EPB41L4A: variants seen among roughly 807,000 people sequenced by gnomAD.
EPB41L4A encodes erythrocyte membrane protein band 4.1 like 4A.
In EPB41L4A, 100 loss-of-function variants were observed where a neutral mutation model predicts 108.6. The ratio of observed to expected loss-of-function variants is 0.92; its 90% confidence interval spans 0.78 to 1.09. EPB41L4A has a LOEUF of 1.09. EPB41L4A is among the 50% of genes least tolerant of loss of function. The pLI, the probability that EPB41L4A is intolerant of heterozygous loss-of-function variation, is 0.00. For synonymous variants in EPB41L4A, 319 were observed against 289.0 expected, an observed-to-expected ratio of 1.10 and a Z score of -1.05; for missense variants, 1,030 against 842.7, an observed-to-expected ratio of 1.22 and a Z score of -2.75.
At chr5:112,216,955 T>C (rs369742838) in intron 12 of EPB41L4A, among the ~76,000 whole-genome samples, 1 of 152,178 alleles carries the variant, frequency 6.6e-6, no homozygotes, top group Non-Finnish European at 1.5e-5. Flanking sequence ...AAACCTTATA[T>C]AATTTTCCTA....
At chr5:112,398,798 G>C (rs1383397654) in intron 1 of EPB41L4A, among the ~76,000 whole-genome samples, 1 of 152,034 alleles carries the variant, frequency 6.6e-6, no homozygotes, top group Non-Finnish European at 1.5e-5. Context: ...AAATAAGACT[G>C]CCAATCTTAT....
In EPB41L4A at chr5:112,163,835, T is replaced by C. The variant is rs1293283019; in HGVS notation, c.*1155A>G. On this transcript the variant is annotated 3_prime_UTR_variant, in exon 23 of 23. Coordinates refer to ENST00000261486, the MANE Select transcript of EPB41L4A (RefSeq NM_022140.5). ...AGCAAGGATCTAGCTGAGAGAATAA[T>C]TGAATACATTAATATAGGAGGACAG... The C allele has an allele frequency of 6.6e-6, 1 of 152,078 alleles. No homozygotes were observed. The highest frequency in any genetic ancestry group is 1.5e-5 in the Non-Finnish European group (1 of 68,036). The allele number at this position is 152,078 out of a possible 1,614,324, so 9.4% of individuals were successfully genotyped here.
chr5:112,158,313 T>C (rs895256756), downstream of EPB41L4A: 2 of 193,106 alleles, frequency 1.0e-5, no homozygotes, highest in Non-Finnish European at 2.2e-5. Flanking sequence ...TTAGATGTCA[T>C]TATGTACCAC....
At chr5:112,149,297 C>A (rs1266772945) in intron 12 of EPB41L4A, among the ~76,000 whole-genome samples, 1 of 152,090 alleles carries the variant, frequency 6.6e-6, no homozygotes, top group Non-Finnish European at 1.5e-5. Context: ...TGATGAAACA[C>A]TGTCTCTACT....
At chr5:112,388,202 TCCTC>T (rs1430812096) in intron 1 of EPB41L4A, among the ~76,000 whole-genome samples, 1 of 152,174 alleles carries the variant, frequency 6.6e-6, no homozygotes, top group African/African-American at 2.4e-5. Context: ...TACGCTTATC[TCCTC>T]CCTTCCCATC....
At chr5:112,324,549 C>T (rs1267404554) in intron 1 of EPB41L4A, among the ~76,000 whole-genome samples, 2 of 151,654 alleles carry the variant, frequency 1.3e-5, no homozygotes, top group Non-Finnish European at 2.9e-5. Flanking sequence ...ATGGTGAAAC[C>T]CCATCTCTAC....
intron 1 of EPB41L4A, among the ~76,000 whole-genome samples, chr5:112,366,811 C>T (rs896632592): frequency 6.6e-6 from 1 of 152,164 alleles, no homozygotes; most frequent in African/African-American, 2.4e-5. Context: ...CCTGTACCTT[C>T]AGCTATTTGC....
At chr5:112,195,602 A>G (rs1436492730) in intron 16 of EPB41L4A, 59 bp downstream of exon 16, 1 of 1,426,738 alleles carries the variant, frequency 7.0e-7, no homozygotes, top group Admixed American at 1.7e-5. Flanking sequence ...AACTCTGAGC[A>G]TTTCTAAATC....
chr5:112,313,574 G>C (rs1189693542), intron 1 of EPB41L4A, among the ~76,000 whole-genome samples: 1 of 152,182 alleles, frequency 6.6e-6, no homozygotes, highest in Non-Finnish European at 1.5e-5. Context: ...CTGGGCGACA[G>C]AGCGAGATTC....
intron 17 of EPB41L4A, among the ~76,000 whole-genome samples, chr5:112,185,634 T>C (rs1761390958): frequency 1.3e-5 from 2 of 152,234 alleles, no homozygotes; most frequent in South Asian, 2.1e-4. Context: ...AACAGGATAC[T>C]GTCAAGGTAT....
chr5:112,353,979 A>C (rs1323080245), intron 1 of EPB41L4A, among the ~76,000 whole-genome samples: 1 of 152,184 alleles, frequency 6.6e-6, no homozygotes, highest in African/African-American at 2.4e-5. Context: ...AGCATTTTTT[A>C]AAGTTTCCAG....
At chr5:112,409,967 G>A (rs188564294) in intron 1 of EPB41L4A, among the ~76,000 whole-genome samples, 12 of 152,270 alleles carry the variant, frequency 7.9e-5, no homozygotes, top group African/African-American at 2.9e-4. Flanking sequence ...ATTCCTCCCA[G>A]GTCAAGGTGA....
intron 1 of EPB41L4A, among the ~76,000 whole-genome samples, chr5:112,366,464 G>C (rs532948136): frequency 6.6e-6 from 1 of 152,110 alleles, no homozygotes; most frequent in African/African-American, 2.4e-5. Context: ...GCAACAACAG[G>C]GAGCTGCTCC....
intron 1 of EPB41L4A, among the ~76,000 whole-genome samples, chr5:112,355,701 C>T (rs1739516329): frequency 6.6e-6 from 1 of 152,208 alleles, no homozygotes; most frequent in African/African-American, 2.4e-5. Flanking sequence ...CACTCCTTCA[C>T]CTCTTCTCCC....
chr5:112,180,465 A>T (rs1761090748), intron 18 of EPB41L4A, among the ~76,000 whole-genome samples: 1 of 152,222 alleles, frequency 6.6e-6, no homozygotes, highest in Admixed American at 6.5e-5. Flanking sequence ...TTCAATGAAA[A>T]GTCTTTTCAA....
chr5:112,176,799 G>C (rs1274404761), intron 18 of EPB41L4A, among the ~76,000 whole-genome samples: 1 of 132,530 alleles, frequency 7.5e-6, no homozygotes, highest in East Asian at 2.2e-4. Context: ...CTGTTGCCCA[G>C]GCTGAAGTGC....
Position 112,419,213 on chromosome 5 carries a change from G to C in EPB41L4A, c.-174C>G. On this transcript the variant is annotated 5_prime_UTR_variant, in exon 1 of 23. Transcript: ENST00000261486. ...CCGAACCGCCCGGCGGGGCGGGAGC[G>C]AGAAAGGCGGAAAAGCCCGGGAGAG... 1 of 487,086 alleles carries C rather than the reference G, an allele frequency of 2.1e-6. No homozygotes were observed. The highest frequency in any genetic ancestry group is 3.6e-6 in the Non-Finnish European group (1 of 274,894). 30.2% of individuals were successfully genotyped at this position (487,086 alleles called of 1,614,324 possible). A position where few individuals can be genotyped will look rare whatever the true frequency, so the allele number is the denominator to read the frequency against.
At chr5:112,357,419 G>C (rs1758426862) in intron 1 of EPB41L4A, among the ~76,000 whole-genome samples, 1 of 152,178 alleles carries the variant, frequency 6.6e-6, no homozygotes, top group South Asian at 2.1e-4. Context: ...CAAGGCACAA[G>C]AAATTGCAAG....
chr5:112,273,692 A>G (rs1752423174), intron 4 of EPB41L4A, among the ~76,000 whole-genome samples: 1 of 152,246 alleles, frequency 6.6e-6, no homozygotes, highest in Admixed American at 6.5e-5. Context: ...AGGCACAGGC[A>G]GAGATTACTC....
Sources: allele counts gnomAD v4.1 joint callset (sites outside exome capture counted in the v4.1 genomes callset), GRCh38; gene constraint gnomAD v4.1.1; transcripts MANE v1.5; gene names NCBI Gene and HGNC (gene_info 2026-07-23, HGNC 2026-07-21).